The following EYA1 variants were observed in gnomAD, a reference collection of about 807,000 sequenced individuals.
EYA1 encodes the protein EYA transcriptional coactivator and phosphatase 1.
EYA1 carries 16 observed loss-of-function variants against 82.0 expected under a neutral mutation model. That is an observed-to-expected ratio of 0.20 (90% CI 0.13 to 0.30). The LOEUF is 0.30. Ranked by LOEUF, EYA1 falls within the 10% of genes least tolerant of loss-of-function variation. The pLI, the probability that EYA1 is intolerant of heterozygous loss-of-function variation, is 1.00. For missense variants in EYA1, 633 were observed against 730.7 expected (o/e 0.87, Z 1.54); for synonymous variants, 261 against 264.4 (o/e 0.99, Z 0.12).
intron 2 of EYA1, among the ~76,000 whole-genome samples, chr8:71,397,370 T>C (rs533039798): frequency 1.3e-5 from 2 of 152,356 alleles, no homozygotes; most frequent in Admixed American, 6.5e-5. Context: ...GTTGATGCAG[T>C]TTCTTCCTAG....
At chr8:71,346,325 C>G (rs1377669254) in intron 3 of EYA1, among the ~76,000 whole-genome samples, 1 of 151,282 alleles carries the variant, frequency 6.6e-6, no homozygotes, top group Admixed American at 6.6e-5. Flanking sequence ...ACTTAATAAA[C>G]AGCTCTCAAA....
At chr8:71,308,845 C>T (rs774879801) in intron 7 of EYA1, among the ~76,000 whole-genome samples, 1 of 152,062 alleles carries the variant, frequency 6.6e-6, no homozygotes, top group Non-Finnish European at 1.5e-5. Flanking sequence ...TCTGTACTTG[C>T]CATGTTTTAG....
intron 2 of EYA1, among the ~76,000 whole-genome samples, chr8:71,530,515 T>C (rs1158624701): frequency 1.3e-5 from 2 of 152,220 alleles, no homozygotes; most frequent in Non-Finnish European, 2.9e-5. Flanking sequence ...CATGGTTTTA[T>C]ATTTAAGTTA....
At chr8:71,364,681 A>T (rs1406069456), upstream of EYA1, among the ~76,000 whole-genome samples, 1 of 151,914 alleles carries the variant, frequency 6.6e-6, no homozygotes, top group Non-Finnish European at 1.5e-5. Flanking sequence ...AAAATTTTCC[A>T]ATATGCTTTT....
intron 1 of EYA1, among the ~76,000 whole-genome samples, chr8:71,546,588 A>G (rs1410112247): frequency 4.0e-5 from 6 of 150,448 alleles, no homozygotes; most frequent in Admixed American, 2.6e-4. Context: ...GCAACCTCCA[A>G]CCTCCCTGGT....
At chr8:71,233,535 T>C (rs530020693) in intron 12 of EYA1, among the ~76,000 whole-genome samples, 2 of 143,976 alleles carry the variant, frequency 1.4e-5, no homozygotes, top group Non-Finnish European at 3.0e-5. Flanking sequence ...CTGCACTCCA[T>C]CCTGGGCGAC....
chr8:71,229,504 G>A (rs186859401), intron 12 of EYA1, among the ~76,000 whole-genome samples: 47 of 152,116 alleles, frequency 3.1e-4, no homozygotes, highest in African/African-American at 1.0e-3. Context: ...ATTTTCTAAC[G>A]CTGGACCAAA....
intron 2 of EYA1, among the ~76,000 whole-genome samples, chr8:71,378,349 T>G (rs963967607): frequency 6.6e-6 from 1 of 152,136 alleles, no homozygotes; most frequent in African/African-American, 2.4e-5. Flanking sequence ...AAATGGAAAC[T>G]CATGCACTGT....
intron 2 of EYA1, among the ~76,000 whole-genome samples, chr8:71,520,533 G>A (rs1813320418): frequency 6.6e-6 from 1 of 152,200 alleles, no homozygotes; most frequent in Middle Eastern, 3.2e-3. Context: ...CTGCTTGAGA[G>A]TTTATAGTGC....
chr8:71,439,769 G>T (rs1806275740), intron 2 of EYA1, among the ~76,000 whole-genome samples: 1 of 152,176 alleles, frequency 6.6e-6, no homozygotes, highest in South Asian at 2.1e-4. Flanking sequence ...ACTAAAGGAA[G>T]TATGGTAAGT....
chr8:71,361,803 C>G lies in EYA1; in HGVS notation c.-211G>C. ...CCGCGGCGCTTCTGGGAGTGGAGCG[C>G]CTCTGCAGGGGAAAGCTCGGCGCAG... is the stretch of plus-strand genomic sequence containing the variant. On this transcript the variant is annotated 5_prime_UTR_variant, in exon 1 of 18. Transcript: ENST00000340726. The G allele has an allele frequency of 2.0e-6, 2 of 985,492 alleles. No individual in the cohort carries two copies. The highest frequency in any genetic ancestry group is 2.4e-6 in the Non-Finnish European group (2 of 829,970). 61.0% of individuals were successfully genotyped at this position (985,492 alleles called of 1,614,324 possible). A position where few individuals can be genotyped will look rare whatever the true frequency, so the allele number is the denominator to read the frequency against.
intron 11 of EYA1, among the ~76,000 whole-genome samples, chr8:71,262,076 T>G (rs540739497): frequency 2.6e-5 from 4 of 152,332 alleles, no homozygotes; most frequent in African/African-American, 9.6e-5. Flanking sequence ...TCTCTAAGCC[T>G]GGGTCAATTA....
chr8:71,224,941 G>C (rs1239210034), intron 12 of EYA1, among the ~76,000 whole-genome samples: 1 of 152,226 alleles, frequency 6.6e-6, no homozygotes, highest in Admixed American at 6.5e-5. Context: ...AGGGAGAGGA[G>C]TAGTCAAGGA....
chr8:71,203,545 TAGG>T (rs1370659554), intron 17 of EYA1, among the ~76,000 whole-genome samples: 4 of 152,026 alleles, frequency 2.6e-5, no homozygotes, highest in Non-Finnish European at 5.9e-5. Flanking sequence ...GGTTCCCAGT[TAGG>T]AGGAGTAATT....
At chr8:71,492,070 G>A (rs1433731402) in intron 2 of EYA1, among the ~76,000 whole-genome samples, 1 of 152,138 alleles carries the variant, frequency 6.6e-6, no homozygotes, top group Non-Finnish European at 1.5e-5. Flanking sequence ...TGGCAAATGG[G>A]TCTCAGGTTA....
At chr8:71,281,261 T>G (rs1264112997) in intron 9 of EYA1, among the ~76,000 whole-genome samples, 2 of 152,224 alleles carry the variant, frequency 1.3e-5, no homozygotes, top group Non-Finnish European at 2.9e-5. Flanking sequence ...GTTTTTTTCT[T>G]GAATGGTCAT....
chr8:71,432,032 C>G (rs1805656988), intron 2 of EYA1, among the ~76,000 whole-genome samples: 1 of 152,184 alleles, frequency 6.6e-6, no homozygotes, highest in Non-Finnish European at 1.5e-5. Flanking sequence ...CTCAGTTACA[C>G]AAGATTTTCA....
At chr8:71,287,953 G>T (rs976014051) in intron 9 of EYA1, among the ~76,000 whole-genome samples, 2 of 152,274 alleles carry the variant, frequency 1.3e-5, no homozygotes, top group African/African-American at 2.4e-5. Flanking sequence ...ATTCCACAGA[G>T]AAATAATACA....
intron 2 of EYA1, among the ~76,000 whole-genome samples, chr8:71,413,548 G>T (rs765953628): frequency 4.6e-5 from 7 of 152,064 alleles, no homozygotes; most frequent in Non-Finnish European, 8.8e-5. Flanking sequence ...TATTGCATTG[G>T]AAATTTACTT....
Sources: allele counts gnomAD v4.1 joint callset (sites outside exome capture counted in the v4.1 genomes callset), GRCh38; gene constraint gnomAD v4.1.1; transcripts MANE v1.5; gene names NCBI Gene and HGNC (gene_info 2026-07-23, HGNC 2026-07-21).